Variants in DNAH12 observed in about 807,000 individuals in gnomAD.
DNAH12 encodes the protein dynein axonemal heavy chain 12.
DNAH12 carries 285 observed loss-of-function variants against 371.5 expected under a neutral mutation model. The ratio of observed to expected loss-of-function variants is 0.77; its 90% CI spans 0.70 to 0.85. DNAH12 has a LOEUF of 0.85. Among genes scored for constraint, DNAH12 ranks in the 40% least tolerant of loss-of-function variants. The probability of loss-of-function intolerance (pLI) is 0.00; values close to 1 mark genes in which losing one functional copy is unlikely to be tolerated. For missense variants in DNAH12, 3,611 were observed against 3,689.4 expected, an observed-to-expected ratio of 0.98 and a Z score of 0.55; for synonymous variants, 1,200 against 1,213.0, an observed-to-expected ratio of 0.99 and a Z score of 0.22.
At chr3:57,306,615 A>G (rs1183805078) in intron 69 of DNAH12, among the ~76,000 whole-genome samples, 1 of 152,012 alleles carries the variant, frequency 6.6e-6, no homozygotes, top group Non-Finnish European at 1.5e-5. Flanking sequence ...GCGACCGATC[A>G]TGCACCCCTT....
At chr3:57,423,852 C>T (rs2153362580) in intron 35 of DNAH12, among the ~76,000 whole-genome samples, 1 of 152,100 alleles carries the variant, frequency 6.6e-6, no homozygotes, top group African/African-American at 2.4e-5. Flanking sequence ...AATTCTCCTG[C>T]CTCAGCCTCC....
At chr3:57,547,259 A>G (rs2069587914), upstream of DNAH12, among the ~76,000 whole-genome samples, 1 of 151,806 alleles carries the variant, frequency 6.6e-6, no homozygotes, top group Non-Finnish European at 1.5e-5. Flanking sequence ...ATTATATCTT[A>G]GTGGTTCTGC....
chr3:57,470,489 G>T lies in DNAH12; in HGVS notation c.2059C>A (p.Gln687Lys). 6.5e-7 allele frequency: 1 copy of T among 1,542,798 alleles called. No homozygotes were observed. Among genetic ancestry groups the T allele is most frequent in the Non-Finnish European group, 8.7e-7 (1 of 1,144,578 alleles). The change falls in exon 16 of 74, where the codon CAG (glutamine) becomes AAG (lysine). Residue 687 changes from glutamine to lysine, a missense_variant. By Grantham distance (53) the Gln-to-Lys change is moderately conservative. This residue lies in a region of DNAH12 where 1,314 missense variants were observed against 1,398.7 expected (regional missense o/e 0.94). Coordinates refer to ENST00000495027, the MANE Select transcript of DNAH12 (RefSeq NM_001366028.2). The stretch of plus-strand genomic sequence containing the variant: ...TTCAAAACAAAATTAAAAAACTTCT[G>T]ATAGGGCTCAATGTTAACTTTTAAT... Reference protein sequence around the residue: ...DKLKVNIEPYQKFFNFVLKWQ... With the variant: ...DKLKVNIEPYKKFFNFVLKWQ...
chr3:57,298,552 T>A (rs1272719593), intron 70 of DNAH12, among the ~76,000 whole-genome samples: 1 of 152,222 alleles, frequency 6.6e-6, no homozygotes, highest in Non-Finnish European at 1.5e-5. Flanking sequence ...CAAACTTCAT[T>A]TTTGCTTATG....
Position 57,495,356 on chromosome 3 carries a change from C to T in DNAH12, c.1336-5669G>A, listed in dbSNP as rs574915738. 3.1e-4 allele frequency among the ~76,000 whole-genome samples: 46 copies of T among 147,816 alleles called. 1 individual carries two copies. The highest frequency in any genetic ancestry group is 1.1e-3 in the African/African-American group (40 of 37,480). ...GGCAGATCACCTGAGGTCACGAGTT[C>T]GAGACCAGCATGGCCAACAGGTTGA... On this transcript the variant is annotated intron_variant, in intron 11 of 73. Transcript: ENST00000495027.
chr3:57,509,861 T>TAAAAAAAAAAAAAAAAAAAAAAAAAAAA (rs902155403), intron 5 of DNAH12, among the ~76,000 whole-genome samples: 5 of 46,560 alleles, frequency 1.1e-4, no homozygotes, highest in Admixed American at 1.0e-3. Flanking sequence ...GACTCCATCA[T>TAAAAAAAAAAAAAAAAAAAAAAAAAAAA]AAAAAAAAAA....
chr3:57,448,329 A>G (rs1298463570), intron 25 of DNAH12, among the ~76,000 whole-genome samples: 1 of 151,474 alleles, frequency 6.6e-6, no homozygotes, highest in African/African-American at 2.4e-5. Flanking sequence ...ACAGCTCTTA[A>G]GGCAGCACGT....
chr3:57,420,314 C>T (rs975567864), intron 36 of DNAH12, among the ~76,000 whole-genome samples: 3 of 152,146 alleles, frequency 2.0e-5, no homozygotes, highest in Non-Finnish European at 4.4e-5. Context: ...GACCCGATTC[C>T]AGAGCTGTGG....
chr3:57,535,757 G>C (rs543158022), intron 2 of DNAH12, among the ~76,000 whole-genome samples: 57 of 151,646 alleles, frequency 3.8e-4, no homozygotes, highest in Middle Eastern at 3.5e-3. Flanking sequence ...GGTCAGGCTG[G>C]TCTCGAACTC....
chr3:57,376,633 C>T (rs2063287551), intron 53 of DNAH12, among the ~76,000 whole-genome samples: 1 of 152,088 alleles, frequency 6.6e-6, no homozygotes, highest in South Asian at 2.1e-4. Flanking sequence ...AAAATTTAAC[C>T]AATGAACCAT....
chr3:57,508,522 A>T lies in DNAH12; in HGVS notation c.561T>A (p.Asn187Lys). The part of the protein sequence containing the change: ...PESPVGLDYS[N>K]PWHSSYVQAR... ...CCTGCACATAGCTAGAATGCCAAGG[A>T]TTAGAATAATCTAGGCCTCTGGAAA... is the stretch of plus-strand genomic sequence containing the variant. The change falls in exon 7 of 74, where the codon AAT becomes AAA. Residue 187 changes from asparagine (N) to lysine (K), a missense_variant. Physicochemically the swap from Asn to Lys is moderately conservative, Grantham distance 94. Coordinates refer to ENST00000495027, the MANE Select transcript of DNAH12 (RefSeq NM_001366028.2). 1 of 1,612,208 alleles carries T rather than the reference A, an allele frequency of 6.2e-7. No individual in the cohort carries two copies.
intron 5 of DNAH12, among the ~76,000 whole-genome samples, 190 bp from the exon 6 acceptor site, chr3:57,509,402 C>T (rs965164954): frequency 8.5e-5 from 13 of 152,052 alleles, no homozygotes; most frequent in African/African-American, 1.9e-4. Context: ...GTTCAGATAA[C>T]GAAAAGCTTT....
At chr3:57,310,271 C>T (rs1172940055) in intron 67 of DNAH12, among the ~76,000 whole-genome samples, 1 of 152,186 alleles carries the variant, frequency 6.6e-6, no homozygotes, top group East Asian at 1.9e-4. Flanking sequence ...CATGTCTCTA[C>T]AATTTATCAC....
chr3:57,534,055 C>T (rs545705647), intron 2 of DNAH12, among the ~76,000 whole-genome samples: 33 of 152,310 alleles, frequency 2.2e-4, no homozygotes, highest in African/African-American at 7.0e-4. Flanking sequence ...ATGTGCGATT[C>T]CCCTCTGGCT....
At chr3:57,519,334 C>T (rs2153396943) in intron 4 of DNAH12, among the ~76,000 whole-genome samples, 1 of 152,226 alleles carries the variant, frequency 6.6e-6, no homozygotes, top group African/African-American at 2.4e-5. Flanking sequence ...GAAACTGATT[C>T]CACAGCCTGT....
chr3:57,548,537 T>A (rs1300063858), upstream of DNAH12, among the ~76,000 whole-genome samples: 1 of 152,136 alleles, frequency 6.6e-6, no homozygotes. Context: ...CAGGGGACTC[T>A]GTCTCTACAG....
chr3:57,516,396 A>G (rs574083783), intron 4 of DNAH12, among the ~76,000 whole-genome samples: 27 of 152,244 alleles, frequency 1.8e-4, no homozygotes, highest in African/African-American at 6.3e-4. Flanking sequence ...CTTGTGTGAT[A>G]GTCCCCAGTC....
chr3:57,419,492 A>G lies in DNAH12; in HGVS notation c.5589T>C (p.His1863=), dbSNP rs1490361611. ...TAGTATTTTTAATTAATTCATTCCA[A>G]TGGACCCAGCGACCTTTGTTTTTCA... ...YELKNKGRWV[H]WNELIKNTNL... Residue 1863 remains histidine, a synonymous_variant, in exon 37 of 74, where the codon CAT becomes CAC. Transcript: ENST00000495027. The G allele has an allele frequency of 2.7e-6, 4 of 1,465,918 alleles. No individual in the cohort carries two copies. Among genetic ancestry groups the G allele is most frequent in the African/African-American group, 1.5e-5 (1 of 68,400 alleles). 90.8% of individuals were successfully genotyped at this position (1,465,918 alleles called of 1,614,324 possible). A position where few individuals can be genotyped will look rare whatever the true frequency, so the allele number is the denominator to read the frequency against.
rs370948718 is a variant in DNAH12 at position 57,334,855 on chromosome 3, G to A, written c.9760C>T (p.Pro3254Ser). 3.9e-4 allele frequency: 604 copies of A among 1,551,908 alleles called. 1 individual carries two copies. Among genetic ancestry groups the A allele is most frequent in the Non-Finnish European group, 5.1e-4 (580 of 1,147,040 alleles). The change falls in exon 61 of 74, where the codon CCA becomes TCA. Residue 3254 changes from proline (P) to serine (S), a missense_variant. Pro to Ser is a moderately conservative substitution (Grantham distance 74). Transcript: ENST00000495027. ...CAGCTTTTGTCCTGTAGCCAAGTTG[G>A]ATCAGGATTTTTCTCAGCACTTTTA... is the stretch of plus-strand genomic sequence containing the variant. Reference protein sequence around the residue: ...SLKSAEKNPDPTWLQDKSWEE... With the variant: ...SLKSAEKNPDSTWLQDKSWEE...
Sources: gnomAD v4.1 joint callset for allele counts (sites outside exome capture counted in the v4.1 genomes callset) on GRCh38, gnomAD v4.1.1 for gene constraint, gnomAD v4.1.1 regional missense constraint, MANE v1.5 for transcripts, NCBI Gene and HGNC (gene_info 2026-07-23, HGNC 2026-07-21) for gene names.